TAFA2: variants seen among roughly 807,000 people sequenced by gnomAD.
TAFA2 encodes TAFA chemokine like family member 2.
A neutral mutation model predicts 18.8 loss-of-function variants in TAFA2; 7 were observed. The observed-to-expected ratio is 0.37, with a 90% CI of 0.21 to 0.70. The LOEUF is 0.70. Among genes scored for constraint, TAFA2 ranks in the 30% least tolerant of loss-of-function variants. The probability of loss-of-function intolerance (pLI) is 0.53; values close to 1 mark genes in which losing one functional copy is unlikely to be tolerated. For missense variants in TAFA2, 122 were observed against 158.1 expected, an observed-to-expected ratio of 0.77 and a Z score of 1.23; for synonymous variants, 60 against 54.2, an observed-to-expected ratio of 1.11 and a Z score of -0.47.
chr12:61,825,251 A>G (rs1219672978), intron 2 of TAFA2, among the ~76,000 whole-genome samples: 1 of 152,034 alleles, frequency 6.6e-6, no homozygotes, highest in East Asian at 1.9e-4. Flanking sequence ...CAAACAGAAA[A>G]TGAAGACACT....
chr12:62,009,876 C>T (rs1484681347), intron 1 of TAFA2, among the ~76,000 whole-genome samples: 1 of 152,162 alleles, frequency 6.6e-6, no homozygotes, highest in African/African-American at 2.4e-5. Flanking sequence ...CCCTTTCCGT[C>T]TTCAGACACT....
At chr12:62,122,253 C>T (rs1161958463) in intron 1 of TAFA2, among the ~76,000 whole-genome samples, 5 of 152,258 alleles carry the variant, frequency 3.3e-5, no homozygotes, top group South Asian at 2.1e-4. Context: ...ATCTGATTTA[C>T]CTCAATGAAT....
At position 62,216,289 on chromosome 12, in the gene TAFA2, T is replaced by C. The variant is rs574443610; in HGVS notation, c.-130+42474A>G. On this transcript the variant is annotated intron_variant, in intron 1 of 5. Transcript: ENST00000551619. The stretch of plus-strand genomic sequence containing the variant: ...TAGCAGAACCCCCATGTTGGTACCT[T>C]AGACTGTGGAATAAGACCCATATAG... Among the ~76,000 whole-genome samples the C allele has an allele frequency of 2.0e-5, 3 of 152,294 alleles. No individual in the cohort carries two copies. The South Asian group carries it at 6.2e-4, about 32-fold the overall frequency.
intron 1 of TAFA2, among the ~76,000 whole-genome samples, chr12:62,148,244 T>C (rs1029538264): frequency 2.0e-5 from 3 of 152,164 alleles, no homozygotes; most frequent in Non-Finnish European, 4.4e-5. Context: ...CACTTGCACT[T>C]ATAAATTCAT....
intron 1 of TAFA2, among the ~76,000 whole-genome samples, chr12:62,030,598 G>T (rs1165203178): frequency 6.6e-6 from 1 of 152,160 alleles, no homozygotes; most frequent in Non-Finnish European, 1.5e-5. Context: ...GCCACCTCTT[G>T]TCAGGCTTGC....
chr12:61,893,728 T>C (rs1217431227), intron 1 of TAFA2, among the ~76,000 whole-genome samples: 1 of 152,232 alleles, frequency 6.6e-6, no homozygotes, highest in African/African-American at 2.4e-5. Context: ...ATATTTTCTA[T>C]GTTTTAGTTT....
At chr12:61,759,197 A>G (rs1050641272) in intron 2 of TAFA2, among the ~76,000 whole-genome samples, 1 of 152,036 alleles carries the variant, frequency 6.6e-6, no homozygotes, top group Non-Finnish European at 1.5e-5. Context: ...GCCTGACTAA[A>G]TAAATAAGAG....
chr12:61,826,969 C>T (rs1872556537), intron 2 of TAFA2, among the ~76,000 whole-genome samples: 1 of 152,040 alleles, frequency 6.6e-6, no homozygotes, highest in Non-Finnish European at 1.5e-5. Flanking sequence ...GCAGGTTGTT[C>T]TCTACTATGC....
intron 1 of TAFA2, among the ~76,000 whole-genome samples, chr12:62,168,065 T>C (rs1446443719): frequency 6.6e-6 from 1 of 152,136 alleles, no homozygotes; most frequent in Non-Finnish European, 1.5e-5. Context: ...ACATAAACAT[T>C]TGTGTGTGTC....
chr12:61,841,487 C>A (rs1873177616), intron 2 of TAFA2, among the ~76,000 whole-genome samples: 1 of 152,018 alleles, frequency 6.6e-6, no homozygotes, highest in African/African-American at 2.4e-5. Flanking sequence ...CTGGGATCTC[C>A]ATTCTATTGG....
At chr12:62,035,138 T>C (rs1173129564) in intron 1 of TAFA2, among the ~76,000 whole-genome samples, 2 of 152,162 alleles carry the variant, frequency 1.3e-5, no homozygotes, top group Non-Finnish European at 2.9e-5. Flanking sequence ...TCAAAAATAG[T>C]TGATGGGTCT....
intron 2 of TAFA2, among the ~76,000 whole-genome samples, chr12:61,775,669 G>A (rs1870226867): frequency 6.6e-6 from 1 of 151,758 alleles, no homozygotes; most frequent in African/African-American, 2.4e-5. Context: ...AGGATTTTTA[G>A]GGCAGTGAAA....
intron 2 of TAFA2, among the ~76,000 whole-genome samples, chr12:61,793,766 A>G (rs184562322): frequency 3.9e-5 from 6 of 151,954 alleles, no homozygotes; most frequent in Non-Finnish European, 7.4e-5. Context: ...TTATCCTGAT[A>G]ATAAAAACAA....
chr12:62,041,752 G>T (rs1881761998), intron 1 of TAFA2, among the ~76,000 whole-genome samples: 1 of 152,018 alleles, frequency 6.6e-6, no homozygotes, highest in African/African-American at 2.4e-5. Context: ...GAATCTAAGT[G>T]CTTTTATTAA....
At chr12:62,126,754 C>G (rs545365631) in intron 1 of TAFA2, among the ~76,000 whole-genome samples, 1 of 152,056 alleles carries the variant, frequency 6.6e-6, no homozygotes, top group Non-Finnish European at 1.5e-5. Flanking sequence ...CGGAGAGCCA[C>G]AGAAGGACAG....
intron 1 of TAFA2, among the ~76,000 whole-genome samples, chr12:62,141,610 T>A (rs2062239810): frequency 1.3e-5 from 2 of 152,232 alleles, no homozygotes; most frequent in South Asian, 4.1e-4. Flanking sequence ...GTTTTGTCTT[T>A]TTTAGTGAGT....
intron 1 of TAFA2, among the ~76,000 whole-genome samples, chr12:62,126,873 C>A (rs920931139): frequency 6.6e-6 from 1 of 152,010 alleles, no homozygotes; most frequent in Non-Finnish European, 1.5e-5. Flanking sequence ...TTGAACAAAT[C>A]TTTCTTTTTC....
intron 1 of TAFA2, among the ~76,000 whole-genome samples, chr12:62,092,397 A>G (rs1213103487): frequency 6.6e-6 from 1 of 151,844 alleles, no homozygotes; most frequent in Non-Finnish European, 1.5e-5. Flanking sequence ...CTAGCCTTTC[A>G]TTCTCTCTAA....
intron 4 of TAFA2, among the ~76,000 whole-genome samples, chr12:61,732,239 T>C (rs547592403): frequency 6.6e-6 from 1 of 152,028 alleles, no homozygotes; most frequent in South Asian, 2.1e-4. Flanking sequence ...ATATCTGAGA[T>C]GAAAAAAGTA....
Sources: allele counts gnomAD v4.1 joint callset (sites outside exome capture counted in the v4.1 genomes callset), GRCh38; gene constraint gnomAD v4.1.1; transcripts MANE v1.5; gene names NCBI Gene and HGNC (gene_info 2026-07-23, HGNC 2026-07-21).